USH2A: variants seen among roughly 807,000 people sequenced by gnomAD.
USH2A encodes Usher syndrome 2A (autosomal recessive, mild).
A neutral mutation model predicts 538.9 loss-of-function variants in USH2A; 443 were observed. The ratio of observed to expected loss-of-function variants is 0.82; its 90% CI spans 0.76 to 0.89. USH2A has a LOEUF of 0.89. USH2A is among the 40% of genes least tolerant of loss of function. USH2A has a pLI of 0.00. For synonymous variants in USH2A, 2,413 were observed against 2,273.5 expected, an observed-to-expected ratio of 1.06 and a Z score of -1.75; for missense variants, 6,633 against 6,324.8, an observed-to-expected ratio of 1.05 and a Z score of -1.65.
intron 3 of USH2A, among the ~76,000 whole-genome samples, chr1:216,379,052 GC>G (rs1414357346): frequency 1.3e-5 from 2 of 152,192 alleles, no homozygotes; most frequent in Non-Finnish European, 1.5e-5. Flanking sequence ...CCTTCCTGTG[GC>G]CTTAGAGCCC....
chr1:216,030,356 G>T (rs1379648342), intron 32 of USH2A, among the ~76,000 whole-genome samples: 1 of 131,988 alleles, frequency 7.6e-6, no homozygotes, highest in Non-Finnish European at 1.5e-5. Context: ...ATACATCACA[G>T]ATATATAATA....
At chr1:216,026,588 T>A (rs750699138) in intron 32 of USH2A, among the ~76,000 whole-genome samples, 1 of 152,188 alleles carries the variant, frequency 6.6e-6, no homozygotes, top group Non-Finnish European at 1.5e-5. Flanking sequence ...CATAATGACA[T>A]CTAGTTTTCA....
At chr1:216,042,844 A>T (rs2030339111) in intron 32 of USH2A, among the ~76,000 whole-genome samples, 1 of 152,182 alleles carries the variant, frequency 6.6e-6, no homozygotes, top group South Asian at 2.1e-4. Context: ...ATCCAATAGG[A>T]CTGGCATCCT....
rs56136489 is a variant in USH2A at position 215,647,560 on chromosome 1, G to T, written c.14753C>A (p.Thr4918Lys). The change falls in exon 67 of 72, where the codon ACG (threonine) becomes AAG (lysine). Residue 4918 changes from threonine to lysine, a missense_variant. Physicochemically the swap from Thr to Lys is moderately conservative, Grantham distance 78 (BLOSUM62 -1). Transcript: ENST00000307340. ...GGTGAAACTGATCCACTCGGAAGCCGTACTGCCCACCTCGTTGTGTGCCAC... is the reference window on the plus strand; with the variant it reads ...GGTGAAACTGATCCACTCGGAAGCCTTACTGCCCACCTCGTTGTGTGCCAC... The part of the protein sequence containing the change: ...RVVAHNEVGS[T>K]ASEWISFTTQ... The T allele has an allele frequency of 6.2e-6, 10 of 1,613,982 alleles. No homozygotes were observed. Among genetic ancestry groups the T allele is most frequent in the Non-Finnish European group, 8.5e-6 (10 of 1,180,024 alleles).
chr1:215,912,103 C>T (rs1665798494), intron 38 of USH2A, among the ~76,000 whole-genome samples: 1 of 151,872 alleles, frequency 6.6e-6, no homozygotes, highest in Non-Finnish European at 1.5e-5. Context: ...TGATTAATCC[C>T]TTGTCAGAGG....
At chr1:216,012,520 CAT>C (rs1313420606) in intron 32 of USH2A, among the ~76,000 whole-genome samples, 5 of 152,144 alleles carry the variant, frequency 3.3e-5, no homozygotes, top group Non-Finnish European at 7.4e-5. Context: ...TTCTGTCAGA[CAT>C]AATTCCTCAG....
At chr1:216,367,767 A>G (rs1357332393) in intron 3 of USH2A, among the ~76,000 whole-genome samples, 3 of 152,122 alleles carry the variant, frequency 2.0e-5, no homozygotes, top group Non-Finnish European at 4.4e-5. Flanking sequence ...AAACTATTTT[A>G]CAATTCTGAT....
intron 3 of USH2A, among the ~76,000 whole-genome samples, chr1:216,403,798 G>A (rs911250859): frequency 6.6e-6 from 1 of 152,070 alleles, no homozygotes; most frequent in Non-Finnish European, 1.5e-5. Flanking sequence ...TAATCCCCAC[G>A]TGTCTAGGGA....
At chr1:215,703,951 C>A (rs139052744) in intron 61 of USH2A, among the ~76,000 whole-genome samples, 1,544 of 152,234 alleles carry the variant, frequency 0.01, 26 homozygotes, top group African/African-American at 0.033. Context: ...GGTGTAGGCA[C>A]CTGAGGGAAT....
chr1:215,924,680 T>C (rs773165410), intron 38 of USH2A, among the ~76,000 whole-genome samples: 3 of 152,214 alleles, frequency 2.0e-5, no homozygotes, highest in Middle Eastern at 3.4e-3. Context: ...ATTGTACTTA[T>C]TCTTTTTAAA....
At position 215,646,991 on chromosome 1, in the gene USH2A, C is replaced by T. The variant is rs552274646; in HGVS notation, c.14791+531G>A. ...GCAAGTACATTCTATGATATTTTCACGACACTCGCCTAACGATGCATTTCT... is the reference window on the plus strand; with the variant it reads ...GCAAGTACATTCTATGATATTTTCATGACACTCGCCTAACGATGCATTTCT... On this transcript the variant is annotated intron_variant, in intron 67 of 71. Coordinates refer to ENST00000307340, the MANE Select transcript of USH2A (RefSeq NM_206933.4). 5.7e-4 allele frequency among the ~76,000 whole-genome samples: 87 copies of T among 152,274 alleles called. 1 individual carries two copies. Among genetic ancestry groups the T allele is most frequent in the Admixed American group, 4.1e-3 (62 of 15,294 alleles).
intron 43 of USH2A, among the ~76,000 whole-genome samples, chr1:215,869,184 G>C (rs1664560716): frequency 1.3e-5 from 2 of 152,142 alleles, no homozygotes; most frequent in South Asian, 4.1e-4. Flanking sequence ...ACAAGGCTCA[G>C]AGAGATAAAT....
chr1:216,247,350 A>G, intron 12 of USH2A, 124 bp from the exon 13 acceptor site: 1 of 1,205,392 alleles, frequency 8.3e-7, no homozygotes, highest in Non-Finnish European at 1.2e-6. Context: ...CTCACAAGCA[A>G]TGCCATAGGG....
At chr1:215,639,335 T>C (rs1226345290) in intron 68 of USH2A, 97 bp from the exon 69 acceptor site, 3 of 1,187,530 alleles carry the variant, frequency 2.5e-6, no homozygotes, top group Non-Finnish European at 2.5e-6. Flanking sequence ...GCATGAAAAA[T>C]AGGATTCCAA....
chr1:216,137,644 GTC>G (rs1318695627), intron 21 of USH2A, among the ~76,000 whole-genome samples: 1 of 152,102 alleles, frequency 6.6e-6, no homozygotes, highest in Non-Finnish European at 1.5e-5. Flanking sequence ...GGCTAGGCCA[GTC>G]TCTCTTTTCA....
At chr1:215,742,715 T>C (rs1440859178) in intron 59 of USH2A, among the ~76,000 whole-genome samples, 1 of 152,174 alleles carries the variant, frequency 6.6e-6, no homozygotes, top group Non-Finnish European at 1.5e-5. Context: ...TGATAGTTTG[T>C]ATATATGAAT....
chr1:216,182,264 A>C (rs2102647700), intron 20 of USH2A, among the ~76,000 whole-genome samples: 1 of 152,204 alleles, frequency 6.6e-6, no homozygotes, highest in African/African-American at 2.4e-5. Context: ...CGTATCTGTC[A>C]AAATATTTTG....
intron 32 of USH2A, among the ~76,000 whole-genome samples, chr1:216,001,179 AACACTGTGTCATGACTATATGAT>A (rs1668257815): frequency 6.6e-6 from 1 of 152,166 alleles, no homozygotes; most frequent in Non-Finnish European, 1.5e-5. Context: ...AACACTTAAA[AACACTGTGTCATGACTATATGAT>A]ACACTAAATA....
intron 4 of USH2A, among the ~76,000 whole-genome samples, chr1:216,358,808 G>A (rs1396174953): frequency 6.6e-6 from 1 of 152,072 alleles, no homozygotes; most frequent in African/African-American, 2.4e-5. Context: ...TTCTAATCAG[G>A]AGTGAAATTT....
Sources: gnomAD v4.1 joint callset for allele counts (sites outside exome capture counted in the v4.1 genomes callset) on GRCh38, gnomAD v4.1.1 for gene constraint, MANE v1.5 for transcripts, NCBI Gene and HGNC (gene_info 2026-07-23, HGNC 2026-07-21) for gene names.